The following OXR1 variants were observed in gnomAD, a reference collection of about 807,000 sequenced individuals.
OXR1 encodes the protein oxidation resistance 1.
A neutral mutation model predicts 104.6 loss-of-function variants in OXR1; 41 were observed. The observed-to-expected ratio is 0.39, with a 90% CI of 0.31 to 0.51. The LOEUF is 0.51. Ranked by LOEUF, OXR1 falls within the 20% of genes least tolerant of loss-of-function variation. The pLI, the probability that OXR1 is intolerant of heterozygous loss-of-function variation, is 0.77. For missense variants in OXR1, 955 were observed against 1,031.9 expected (o/e 0.93, Z 1.02); for synonymous variants, 348 against 348.4 (o/e 1.00, Z 0.01).
intron 2 of OXR1, among the ~76,000 whole-genome samples, chr8:106,450,085 T>A (rs11989724): frequency 0.11 from 16,893 of 152,224 alleles, 3,173 homozygotes; most frequent in African/African-American, 0.39. Flanking sequence ...GATGAATGAA[T>A]CATAATTTAT....
At chr8:106,697,997 G>A in intron 7 of OXR1, 3 of 1,613,130 alleles carry the variant, frequency 1.9e-6, no homozygotes, top group Non-Finnish European at 1.7e-6. Context: ...CCATAATGCA[G>A]GTCCCCTGTT....
At position 106,274,494 on chromosome 8, in the gene OXR1, G is replaced by C. The variant is rs188230331; in HGVS notation, c.-139+4127G>C. On this transcript the variant is annotated intron_variant, in intron 1 of 16. Transcript: ENST00000517566. ...ATTAGGGTTGCTTACTTCCTTTCTTGTTCTAATAACTATTCCAATCACCCT... is the reference window on the plus strand; with the variant it reads ...ATTAGGGTTGCTTACTTCCTTTCTTCTTCTAATAACTATTCCAATCACCCT... Among the ~76,000 whole-genome samples, 268 of 151,914 alleles carry C rather than the reference G, an allele frequency of 1.8e-3. 2 individuals are homozygous for C. The highest frequency in any genetic ancestry group is 3.1e-3 in the Non-Finnish European group (210 of 67,978).
chr8:106,288,514 G>T (rs949210381), intron 1 of OXR1, among the ~76,000 whole-genome samples: 3 of 126,694 alleles, frequency 2.4e-5, no homozygotes, highest in East Asian at 4.6e-4. Context: ...AAATATGTGT[G>T]TGTATATATA....
intron 4 of OXR1, among the ~76,000 whole-genome samples, chr8:106,682,857 A>G (rs1828315879): frequency 6.6e-6 from 1 of 152,226 alleles, no homozygotes; most frequent in South Asian, 2.1e-4. Context: ...GAAGTCACAT[A>G]TATTTTAGAA....
Position 106,562,701 on chromosome 8 carries a change from T to C in OXR1, c.220+43562T>C, listed in dbSNP as rs940151798. On this transcript the variant is annotated intron_variant, in intron 3 of 16. Transcript: ENST00000517566. ...ACCAAGGTTGAAATGAAGGAAAAAA[T>C]GTTAAGGGCAGCCAGAGAGAAAGGT... 6.6e-5 allele frequency among the ~76,000 whole-genome samples: 10 copies of C among 151,752 alleles called. 1 individual carries two copies. Among genetic ancestry groups the C allele is most frequent in the African/African-American group, 2.2e-4 (9 of 41,370 alleles).
chr8:106,399,034 T>G (rs886692169), intron 2 of OXR1, among the ~76,000 whole-genome samples: 1 of 152,168 alleles, frequency 6.6e-6, no homozygotes, highest in Non-Finnish European at 1.5e-5. Flanking sequence ...TTCACTACTG[T>G]CTTTATTTAT....
rs1408649104 is a variant in OXR1, at chr8:106,489,398, A to C, written c.24-29545A>C. Among the ~76,000 whole-genome samples the C allele has an allele frequency of 2.0e-5, 3 of 152,170 alleles. No individual in the cohort carries two copies. In the East Asian group the frequency reaches 5.8e-4, roughly 29 times the overall value. ...CAGTACCCTCACTTGGGTGAGTTTGAGCAATTGCCAGGAAAGCTCAGCATT... is the reference window on the plus strand; with the variant it reads ...CAGTACCCTCACTTGGGTGAGTTTGCGCAATTGCCAGGAAAGCTCAGCATT... On this transcript the variant is annotated intron_variant, in intron 2 of 16. Coordinates refer to ENST00000517566, the MANE Select transcript of OXR1 (RefSeq NM_001198533.2).
chr8:106,351,550 G>A (rs2130308456), intron 1 of OXR1, among the ~76,000 whole-genome samples: 1 of 152,306 alleles, frequency 6.6e-6, no homozygotes. Flanking sequence ...ATGCATTCGG[G>A]AAAATGCAAA....
At chr8:106,430,693 A>T (rs1819327989) in intron 2 of OXR1, among the ~76,000 whole-genome samples, 3 of 152,168 alleles carry the variant, frequency 2.0e-5, no homozygotes. Context: ...CCTTCTTATG[A>T]ATACTAAACT....
chr8:106,683,584 A>G (rs1239585286), intron 5 of OXR1, among the ~76,000 whole-genome samples: 1 of 152,188 alleles, frequency 6.6e-6, no homozygotes, highest in African/African-American at 2.4e-5. Flanking sequence ...ATGATAAAAA[A>G]TTACTTTATC....
At chr8:106,747,843 A>C (rs1338334228) in intron 16 of OXR1, among the ~76,000 whole-genome samples, 1 of 152,240 alleles carries the variant, frequency 6.6e-6, no homozygotes, top group Non-Finnish European at 1.5e-5. Context: ...ACTTGGTAAT[A>C]AAACTTACTG....
At chr8:106,349,442 A>G (rs1186378326) in intron 1 of OXR1, among the ~76,000 whole-genome samples, 2 of 152,170 alleles carry the variant, frequency 1.3e-5, no homozygotes, top group African/African-American at 4.8e-5. Flanking sequence ...GGGGGATGGC[A>G]ATCAGAATAA....
In OXR1 at chr8:106,569,028, G is replaced by T. The variant is rs544068677; in HGVS notation, c.220+49889G>T. Among the ~76,000 whole-genome samples, 4 of 151,916 alleles carry T rather than the reference G, an allele frequency of 2.6e-5. No homozygotes were observed. In the South Asian group the frequency reaches 8.3e-4, roughly 32 times the overall value. On this transcript the variant is annotated intron_variant, in intron 3 of 16. Transcript: ENST00000517566. ...TTTTTCAGTAACATGCTGGACACAG[G>T]GTACGTACTGGATACCCTTTTAAAC...
rs1213147492 is a variant in OXR1, at chr8:106,740,403, G to A, written c.2224G>A (p.Gly742Arg). ...TCCATGGACTCTTGTTTATGGTACT[G>A]GAAAACATGGCACAAGCTTGAAAAC... Reference protein sequence around the residue: ...GYPWTLVYGTGKHGTSLKTLY... With the variant: ...GYPWTLVYGTRKHGTSLKTLY... Residue 742 changes from glycine to arginine, a missense_variant, in exon 14 of 17, where the codon GGA (glycine) becomes AGA (arginine). By Grantham distance (125) the Gly-to-Arg change is moderately radical. This residue lies in a region of OXR1 where 106 missense variants were observed against 179.0 expected (regional missense o/e 0.59). Coordinates refer to ENST00000517566, the MANE Select transcript of OXR1 (RefSeq NM_001198533.2). The A allele has an allele frequency of 6.2e-7, 1 of 1,612,750 alleles. No individual in the cohort carries two copies. The highest frequency in any genetic ancestry group is 2.2e-5 in the East Asian group (1 of 44,772).
intron 11 of OXR1, among the ~76,000 whole-genome samples, chr8:106,733,825 C>T (rs1012671820): frequency 1.0e-5 from 1 of 96,176 alleles, no homozygotes; most frequent in Non-Finnish European, 2.1e-5. Flanking sequence ...GACTCCGTCT[C>T]AAAAAAAAAA....
intron 3 of OXR1, among the ~76,000 whole-genome samples, chr8:106,586,022 C>T (rs561010020): frequency 1.3e-5 from 2 of 152,292 alleles, no homozygotes; most frequent in South Asian, 2.1e-4. Flanking sequence ...AGAGTTTTTA[C>T]TCCCAGTGAA....
chr8:106,378,301 G>A (rs919222684), intron 2 of OXR1, among the ~76,000 whole-genome samples: 2 of 152,184 alleles, frequency 1.3e-5, no homozygotes, highest in Non-Finnish European at 2.9e-5. Context: ...CAGAGGTTGT[G>A]CTGGGACAAC....
At chr8:106,282,172 C>T (rs192616702) in intron 1 of OXR1, among the ~76,000 whole-genome samples, 2 of 152,224 alleles carry the variant, frequency 1.3e-5, no homozygotes, top group East Asian at 3.9e-4. Flanking sequence ...ATTCACAAAC[C>T]TGGACAGAGA....
At chr8:106,396,967 A>G (rs1034891525) in intron 2 of OXR1, among the ~76,000 whole-genome samples, 2 of 152,134 alleles carry the variant, frequency 1.3e-5, no homozygotes, top group Non-Finnish European at 2.9e-5. Context: ...ATTCCAAGAT[A>G]TATTATTAAG....
Sources: allele counts gnomAD v4.1 joint callset (sites outside exome capture counted in the v4.1 genomes callset), GRCh38; gene constraint gnomAD v4.1.1; regional missense constraint gnomAD v4.1.1; transcripts MANE v1.5; gene names NCBI Gene and HGNC (gene_info 2026-07-23, HGNC 2026-07-21).